Variants in NRXN3 observed in about 807,000 individuals in gnomAD.
The protein encoded by NRXN3 is neurexin 3.
In NRXN3, 32 loss-of-function variants were observed where a neutral mutation model predicts 137.6. The observed-to-expected ratio is 0.23, with a 90% CI of 0.18 to 0.31. The LOEUF (loss-of-function observed/expected upper bound fraction) is 0.31. NRXN3 is among the 10% of genes least tolerant of loss of function. NRXN3 has a pLI of 1.00. For synonymous variants in NRXN3, 798 were observed against 784.5 expected (o/e 1.02, Z -0.29); for missense variants, 1,574 against 2,062.5 (o/e 0.76, Z 4.59).
At chr14:78,212,612 G>T (rs944303433) in intron 1 of NRXN3, among the ~76,000 whole-genome samples, 8 of 152,192 alleles carry the variant, frequency 5.3e-5, no homozygotes, top group African/African-American at 1.7e-4. Flanking sequence ...ATGTCTTCAG[G>T]GCAAAAGTGA....
At chr14:79,459,317 T>C (rs1403925357) in intron 15 of NRXN3, among the ~76,000 whole-genome samples, 1 of 152,070 alleles carries the variant, frequency 6.6e-6, no homozygotes, top group Non-Finnish European at 1.5e-5. Flanking sequence ...TTTCTGAATG[T>C]GGTGTAATTC....
intron 15 of NRXN3, among the ~76,000 whole-genome samples, chr14:79,059,173 T>G (rs920039854): frequency 1.3e-5 from 2 of 152,068 alleles, no homozygotes; most frequent in African/African-American, 4.8e-5. Context: ...CATCTTCTAT[T>G]TATTCTCCTT....
chr14:79,300,806 C>G (rs934493518), intron 15 of NRXN3, among the ~76,000 whole-genome samples: 1 of 151,988 alleles, frequency 6.6e-6, no homozygotes, highest in Non-Finnish European at 1.5e-5. Context: ...AAAGGGTGAG[C>G]GTGCAAGGAT....
chr14:78,988,757 A>ATG (rs1555642019), intron 15 of NRXN3, among the ~76,000 whole-genome samples: 1 of 128,776 alleles, frequency 7.8e-6, no homozygotes, highest in East Asian at 2.3e-4. Flanking sequence ...TTCTGTATGT[A>ATG]TGTGTGTATA....
At chr14:78,765,315 G>A (rs1196848656) in intron 8 of NRXN3, among the ~76,000 whole-genome samples, 5 of 152,002 alleles carry the variant, frequency 3.3e-5, no homozygotes, top group Admixed American at 2.6e-4. Context: ...CACTACACCC[G>A]GCTAATGTTC....
rs139497886 is a variant in NRXN3, at chr14:78,843,966, GGC to G, written c.2275+33623_2275+33624del. ...AAGACATGGTGCATCTGTTTCCTGT[GGC>G]TTCCAAGCAAATTACCACCAACCTG... On this transcript the variant is annotated intron_variant, in intron 10 of 20. Coordinates refer to ENST00000335750, the MANE Select transcript of NRXN3 (RefSeq NM_001330195.2). 2.5e-3 allele frequency among the ~76,000 whole-genome samples: 374 copies of G among 152,140 alleles called. 2 individuals carry two copies. The highest frequency in any genetic ancestry group is 8.6e-3 in the African/African-American group (356 of 41,522).
chr14:78,989,073 C>T (rs1050325414), intron 15 of NRXN3, among the ~76,000 whole-genome samples: 9 of 152,226 alleles, frequency 5.9e-5, no homozygotes, highest in African/African-American at 1.4e-4. Context: ...TCTGAATAAC[C>T]GTGGCAAAGA....
Position 78,517,518 on chromosome 14 carries a change from C to G in NRXN3, c.758-127602C>G, listed in dbSNP as rs576496587. Among the ~76,000 whole-genome samples the G allele has an allele frequency of 3.3e-5, 5 of 152,240 alleles. No individual in the cohort carries two copies. The East Asian group carries it at 7.7e-4, about 24-fold the overall frequency. Reference sequence around the variant, plus strand: ...GAAACAGACTCCCTATGCTCATTATCAAAAAGCCCATATGCTATCTTCAGT... The same window carrying G: ...GAAACAGACTCCCTATGCTCATTATGAAAAAGCCCATATGCTATCTTCAGT... On this transcript the variant is annotated intron_variant, in intron 4 of 20. Transcript: ENST00000335750.
Position 78,616,685 on chromosome 14 carries a change from G to A in NRXN3, c.758-28435G>A, listed in dbSNP as rs74328683. 8.2e-3 allele frequency among the ~76,000 whole-genome samples: 1,249 copies of A among 152,324 alleles called. 86 individuals carry two copies. In the East Asian group the frequency reaches 0.18, roughly 22 times the overall value. On this transcript the variant is annotated intron_variant, in intron 4 of 20. Transcript: ENST00000335750. The stretch of plus-strand genomic sequence containing the variant: ...TATAAATATGTGATAAATAAAAAAT[G>A]AGGGAATGATAGGCCCAAGAGGGCA...
At chr14:79,463,936 T>C (rs1237407841) in intron 15 of NRXN3, among the ~76,000 whole-genome samples, 2 of 152,200 alleles carry the variant, frequency 1.3e-5, no homozygotes, top group African/African-American at 4.8e-5. Context: ...AGTAACACAA[T>C]TAACTTTTTT....
At chr14:79,290,982 G>A (rs369606925) in intron 15 of NRXN3, among the ~76,000 whole-genome samples, 10 of 152,196 alleles carry the variant, frequency 6.6e-5, no homozygotes, top group African/African-American at 2.2e-4. Context: ...TGATTAAAGG[G>A]TTAAAACTCA....
chr14:79,247,704 C>A (rs367982152), intron 15 of NRXN3, among the ~76,000 whole-genome samples: 81 of 152,152 alleles, frequency 5.3e-4, no homozygotes, highest in Admixed American at 1.8e-3. Context: ...AGACTGTATA[C>A]ATACACATTA....
At chr14:78,746,324 A>T (rs910596091) in intron 8 of NRXN3, among the ~76,000 whole-genome samples, 2 of 152,208 alleles carry the variant, frequency 1.3e-5, no homozygotes, top group Non-Finnish European at 2.9e-5. Flanking sequence ...AGACTCAGCC[A>T]TATCATGTTG....
intron 15 of NRXN3, among the ~76,000 whole-genome samples, chr14:79,143,145 T>G (rs1425045794): frequency 6.6e-6 from 1 of 152,206 alleles, no homozygotes; most frequent in Admixed American, 6.5e-5. Context: ...GCAAAAACAG[T>G]CAAGCCTTTC....
intron 1 of NRXN3, among the ~76,000 whole-genome samples, chr14:78,179,211 G>C (rs1201907474): frequency 6.6e-6 from 1 of 152,146 alleles, no homozygotes; most frequent in African/African-American, 2.4e-5. Flanking sequence ...GGGATGCCAG[G>C]TCTGCTGCCT....
intron 4 of NRXN3, among the ~76,000 whole-genome samples, chr14:78,559,545 G>A (rs993336283): frequency 6.6e-6 from 1 of 152,156 alleles, no homozygotes; most frequent in Admixed American, 6.5e-5. Context: ...GGCAAATAAT[G>A]CTTAATCACA....
intron 4 of NRXN3, among the ~76,000 whole-genome samples, chr14:78,304,566 G>A (rs1170241698): frequency 1.3e-5 from 2 of 152,168 alleles, no homozygotes; most frequent in African/African-American, 4.8e-5. Flanking sequence ...CCCTGTTTAA[G>A]TGTTGAGAGT....
intron 4 of NRXN3, among the ~76,000 whole-genome samples, chr14:78,465,657 T>C (rs12885905): frequency 0.52 from 77,609 of 150,326 alleles, 20,214 homozygotes; most frequent in Middle Eastern, 0.69. Context: ...CCTGCCTCAC[T>C]CTCCCGAGTA....
chr14:79,225,830 T>A (rs754323230), intron 15 of NRXN3, among the ~76,000 whole-genome samples: 50 of 152,162 alleles, frequency 3.3e-4, no homozygotes, highest in Non-Finnish European at 1.2e-4. Flanking sequence ...TCTGGGGTTT[T>A]TTTGCTGGCT....
Sources: allele counts gnomAD v4.1 joint callset (sites outside exome capture counted in the v4.1 genomes callset), GRCh38; gene constraint gnomAD v4.1.1; transcripts MANE v1.5; gene names NCBI Gene and HGNC (gene_info 2026-07-23, HGNC 2026-07-21).